Variants in PCSK6 observed in about 807,000 individuals in gnomAD.
PCSK6 encodes proprotein convertase subtilisin/kexin type 6, also known as paired basic amino acid cleaving enzyme 4.
Under a neutral mutation model 123.3 loss-of-function variants are expected in PCSK6, and 85 were observed. That is an observed-to-expected ratio of 0.69 (90% CI 0.58 to 0.83). The LOEUF is 0.83. Among genes scored for constraint, PCSK6 ranks in the 40% least tolerant of loss-of-function variants. The pLI, the probability that PCSK6 is intolerant of heterozygous loss-of-function variation, is 0.00. For missense variants in PCSK6, 1,191 were observed against 1,282.3 expected (o/e 0.93, Z 1.09); for synonymous variants, 508 against 516.0 (o/e 0.98, Z 0.21).
Position 101,353,027 on chromosome 15 carries a change from A to G in PCSK6, c.1858+13169T>C, listed in dbSNP as rs367983564. ...TTCCACAGCTGGGGATCCGGTGGGG[A>G]GCAGTGGGGATGGTTTCGGGGTGAT... On this transcript the variant is annotated intron_variant, in intron 13 of 21. Coordinates refer to ENST00000611716, the MANE Select transcript of PCSK6 (RefSeq NM_002570.5). Among the ~76,000 whole-genome samples, 9 of 152,220 alleles carry G rather than the reference A, an allele frequency of 5.9e-5. No individual in the cohort carries two copies. The South Asian group carries it at 1.9e-3, about 32-fold the overall frequency.
chr15:101,482,513 C>T (rs1326525096), intron 1 of PCSK6, among the ~76,000 whole-genome samples: 1 of 152,158 alleles, frequency 6.6e-6, no homozygotes, highest in Non-Finnish European at 1.5e-5. Flanking sequence ...TTCTAGATGC[C>T]ACAATCTGTG....
chr15:101,354,508 C>T (rs1355898861), intron 13 of PCSK6, among the ~76,000 whole-genome samples: 1 of 152,262 alleles, frequency 6.6e-6, no homozygotes, highest in African/African-American at 2.4e-5. Flanking sequence ...TGAGCATTTA[C>T]TCCTCACAAG....
intron 18 of PCSK6, 86 bp downstream of exon 18, chr15:101,322,434 G>A (rs1323651331): frequency 1.1e-6 from 1 of 917,734 alleles, no homozygotes; most frequent in African/African-American, 1.7e-5. Flanking sequence ...CAGCTTTTAG[G>A]AGAAATGCAC....
At chr15:101,324,813 G>A in intron 17 of PCSK6, 37 bp downstream of exon 17, 2 of 1,550,854 alleles carry the variant, frequency 1.3e-6, no homozygotes, top group South Asian at 1.2e-5. Flanking sequence ...GTTGGGGCTG[G>A]CTCATCAGTT....
At chr15:101,470,165 C>T (rs967291815) in intron 1 of PCSK6, among the ~76,000 whole-genome samples, 3 of 152,082 alleles carry the variant, frequency 2.0e-5, no homozygotes, top group Non-Finnish European at 4.4e-5. Flanking sequence ...ACAAGGCAGG[C>T]GAATTATGCC....
chr15:101,458,623 C>T (rs1432778116), intron 1 of PCSK6, among the ~76,000 whole-genome samples: 2 of 152,276 alleles, frequency 1.3e-5, no homozygotes, highest in South Asian at 2.1e-4. Flanking sequence ...CAGACCCCAG[C>T]ACCCGAAGCG....
At position 101,318,351 on chromosome 15, in the gene PCSK6, C is replaced by A; in HGVS notation, c.2537G>T (p.Gly846Val). The A allele has an allele frequency of 1.3e-6, 2 of 1,564,660 alleles. No homozygotes were observed. The highest frequency in any genetic ancestry group is 4.8e-5 in the East Asian group (2 of 41,822). ...GGTTCCGCAGGTGTGATGGCATTCC[C>A]CACATCTGATCAGCTCTGAGTCAAA... is the stretch of plus-strand genomic sequence containing the variant. ...TYFDSELIRC[G>V]ECHHTCGTCV... The change falls in exon 19 of 22, where the codon GGG becomes GTG. Residue 846 changes from glycine (G) to valine (V), a missense_variant. Gly to Val is a moderately radical substitution (Grantham distance 109). Transcript: ENST00000611716.
chr15:101,484,954 G>C (rs892867593), intron 1 of PCSK6, among the ~76,000 whole-genome samples: 2 of 152,168 alleles, frequency 1.3e-5, no homozygotes, highest in African/African-American at 4.8e-5. Flanking sequence ...GCACACGTGG[G>C]AGAGTTCTTC....
chr15:101,307,360 G>C, intron 20 of PCSK6, 35 bp from the exon 21 acceptor site: 1 of 1,518,494 alleles, frequency 6.6e-7, no homozygotes, highest in Non-Finnish European at 9.1e-7. Flanking sequence ...GAAGTCTGGG[G>C]AAGAGGCTCC....
intron 9 of PCSK6, among the ~76,000 whole-genome samples, chr15:101,387,599 C>T (rs1194931343): frequency 1.7e-5 from 2 of 119,196 alleles, no homozygotes; most frequent in East Asian, 4.7e-4. Flanking sequence ...TGATGAAGAA[C>T]GGATGTTTGA....
intron 13 of PCSK6, chr15:101,364,850 C>A: frequency 3.5e-6 from 2 of 567,842 alleles, no homozygotes; most frequent in Non-Finnish European, 6.6e-6. Flanking sequence ...ATAGCCAAAA[C>A]AATCTTGAGA....
At chr15:101,361,164 C>CTCTTTT (rs1555448997) in intron 13 of PCSK6, among the ~76,000 whole-genome samples, 1 of 80,686 alleles carries the variant, frequency 1.2e-5, no homozygotes, top group Admixed American at 1.6e-4. Context: ...CTTTCTCTCT[C>CTCTTTT]TTTTTTTTTT....
At chr15:101,326,571 G>A in intron 15 of PCSK6, 92 bp from the exon 16 acceptor site, 1 of 1,275,034 alleles carries the variant, frequency 7.8e-7, no homozygotes. Flanking sequence ...ATCGCAGCTT[G>A]GCAGGGTTGG....
At chr15:101,355,977 G>A (rs903498299) in intron 13 of PCSK6, among the ~76,000 whole-genome samples, 5 of 152,226 alleles carry the variant, frequency 3.3e-5, no homozygotes, top group Admixed American at 1.3e-4. Context: ...GAGACCCAGC[G>A]CAGAGGCCAG....
chr15:101,324,830 C>T lies in PCSK6; in HGVS notation c.2377+20G>A. On this transcript the variant is annotated intron_variant, in intron 17 of 21. Coordinates refer to ENST00000611716, the MANE Select transcript of PCSK6 (RefSeq NM_002570.5). ...TGGGGCTGGCTCATCAGTTCTTGTA[C>T]CCACAAACAAGCCACTTACTTTCAT... is the stretch of plus-strand genomic sequence containing the variant. 2 of 1,599,648 alleles carry T rather than the reference C, an allele frequency of 1.3e-6. No homozygotes were observed. Among genetic ancestry groups the T allele is most frequent in the Non-Finnish European group, 1.7e-6 (2 of 1,170,300 alleles).
At position 101,318,354 on chromosome 15, in the gene PCSK6, C is replaced by T. The variant is rs1422218793; in HGVS notation, c.2534G>A (p.Cys845Tyr). The T allele has an allele frequency of 1.3e-6, 2 of 1,565,450 alleles. No homozygotes were observed. Among genetic ancestry groups the T allele is most frequent in the Admixed American group, 1.9e-5 (1 of 52,908 alleles). ...GTYFDSELIR[C>Y]GECHHTCGTC... ...TCCGCAGGTGTGATGGCATTCCCCA[C>T]ATCTGATCAGCTCTGAGTCAAAGTA... Residue 845 changes from cysteine to tyrosine, a missense_variant, in exon 19 of 22, where the codon TGT becomes TAT. Physicochemically the swap from Cys to Tyr is radical, Grantham distance 194. Around this residue, in one of 3 missense-constraint regions of PCSK6, gnomAD observed 630 missense variants for 631.4 expected, o/e 1.00. Coordinates refer to ENST00000611716, the MANE Select transcript of PCSK6 (RefSeq NM_002570.5).
Position 101,322,574 on chromosome 15 carries a change from C to G in PCSK6, c.2411G>C (p.Cys804Ser). ...CTCAGGTTCATCCACGCACTTTTTACAGCTTGGGTGGCATTTAAGGCAATT... is the reference window on the plus strand; with the variant it reads ...CTCAGGTTCATCCACGCACTTTTTAGAGCTTGGGTGGCATTTAAGGCAATT... Reference protein sequence around the residue: ...QKNCLKCHPSCKKCVDEPEKC... With the variant: ...QKNCLKCHPSSKKCVDEPEKC... The change falls in exon 18 of 22, where the codon TGT (cysteine) becomes TCT (serine). Residue 804 changes from cysteine to serine, a missense_variant. Cys to Ser is a moderately radical substitution (Grantham distance 112, BLOSUM62 -1). Transcript: ENST00000611716. 1.2e-6 allele frequency: 2 copies of G among 1,613,688 alleles called. No homozygotes were observed. Among genetic ancestry groups the G allele is most frequent in the Non-Finnish European group, 1.7e-6 (2 of 1,179,654 alleles).
intron 1 of PCSK6, among the ~76,000 whole-genome samples, chr15:101,488,300 TG>T (rs2058067967): frequency 1.3e-5 from 2 of 152,190 alleles, no homozygotes; most frequent in Non-Finnish European, 2.9e-5. Context: ...AGAGGTCCCC[TG>T]GTGTGACCTC....
intron 1 of PCSK6, among the ~76,000 whole-genome samples, chr15:101,469,166 C>T (rs2057540277): frequency 6.6e-6 from 1 of 152,098 alleles, no homozygotes; most frequent in African/African-American, 2.4e-5. Context: ...CCCACCTTTG[C>T]CCTCCCATTC....
Sources: allele counts gnomAD v4.1 joint callset (sites outside exome capture counted in the v4.1 genomes callset), GRCh38; gene constraint gnomAD v4.1.1; regional missense constraint gnomAD v4.1.1; transcripts MANE v1.5; gene names NCBI Gene and HGNC (gene_info 2026-07-23, HGNC 2026-07-21).